SLC39A11: variants seen among roughly 807,000 people sequenced by gnomAD.
SLC39A11 encodes solute carrier family 39 member 11, also known as zinc transporter ZIP11.
In SLC39A11, 33 loss-of-function variants were observed where a neutral mutation model predicts 36.1. That is an observed-to-expected ratio of 0.91 (90% CI 0.69 to 1.22). The LOEUF is 1.22. Among genes scored for constraint, SLC39A11 ranks in the 50% most tolerant of loss-of-function variants. SLC39A11 has a pLI of 0.00. For missense variants in SLC39A11, 432 were observed against 430.3 expected (o/e 1.00, Z -0.03); for synonymous variants, 166 against 170.3 (o/e 0.97, Z 0.20).
chr17:73,012,416 T>C (rs1018172163), intron 4 of SLC39A11, among the ~76,000 whole-genome samples: 1 of 152,206 alleles, frequency 6.6e-6, no homozygotes, highest in Non-Finnish European at 1.5e-5. Context: ...CATATACACC[T>C]ACTACGCAGC....
At chr17:72,892,151 T>A (rs2081782885) in intron 5 of SLC39A11, among the ~76,000 whole-genome samples, 1 of 152,134 alleles carries the variant, frequency 6.6e-6, no homozygotes, top group Non-Finnish European at 1.5e-5. Context: ...GCGCAGTGGC[T>A]CACACCTGTA....
chr17:72,973,151 C>A (rs1306990274), intron 4 of SLC39A11, among the ~76,000 whole-genome samples: 1 of 151,690 alleles, frequency 6.6e-6, no homozygotes, highest in Non-Finnish European at 1.5e-5. Flanking sequence ...TGGAAACCAT[C>A]TTTTCCTTGC....
Position 72,834,633 on chromosome 17 carries a change from C to CAATAAAATAAAATAA in SLC39A11, c.601+14986_601+15000dup, listed in dbSNP as rs139007121. On this transcript the variant is annotated intron_variant, in intron 6 of 9. Transcript: ENST00000255559. ...TGAGACTCCAACTCCATAAACAAAA[C>CAATAAAATAAAATAA]AATAAAATAAAATAAAATAAAATAA... is the stretch of plus-strand genomic sequence containing the variant. 8.3e-3 allele frequency among the ~76,000 whole-genome samples: 1,236 copies of CAATAAAATAAAATAA among 148,310 alleles called. 7 individuals carry two copies. Among genetic ancestry groups the CAATAAAATAAAATAA allele is most frequent in the South Asian group, 0.016 (73 of 4,576 alleles).
intron 5 of SLC39A11, among the ~76,000 whole-genome samples, chr17:72,909,794 G>A (rs2082875882): frequency 6.7e-6 from 1 of 149,610 alleles, no homozygotes; most frequent in Admixed American, 6.7e-5. Flanking sequence ...TGCCCAGGCT[G>A]GAGTGCAGTG....
At chr17:72,881,847 T>G (rs996816255) in intron 5 of SLC39A11, among the ~76,000 whole-genome samples, 3 of 152,244 alleles carry the variant, frequency 2.0e-5, no homozygotes, top group African/African-American at 7.2e-5. Flanking sequence ...GGCTGCAGAA[T>G]TTCTTTAGCT....
At chr17:72,856,542 A>C (rs1157573229) in intron 5 of SLC39A11, among the ~76,000 whole-genome samples, 1 of 152,178 alleles carries the variant, frequency 6.6e-6, no homozygotes, top group Admixed American at 6.5e-5. Flanking sequence ...TTAGCCTCAA[A>C]TTTTAAAATT....
At chr17:72,851,069 C>G (rs1042650463) in intron 5 of SLC39A11, among the ~76,000 whole-genome samples, 3 of 151,982 alleles carry the variant, frequency 2.0e-5, no homozygotes, top group Non-Finnish European at 4.4e-5. Flanking sequence ...TATACATCAA[C>G]AAGCAGAGAT....
intron 6 of SLC39A11, among the ~76,000 whole-genome samples, chr17:72,818,462 G>A (rs145775804): frequency 5.4e-4 from 82 of 152,286 alleles, no homozygotes; most frequent in Non-Finnish European, 5.6e-4. Context: ...GCTTAGACTC[G>A]CAGGCTACCT....
chr17:72,816,322 CTGTTGT>C (rs1036271835), intron 6 of SLC39A11, among the ~76,000 whole-genome samples: 2 of 152,072 alleles, frequency 1.3e-5, no homozygotes, highest in African/African-American at 4.8e-5. Context: ...TCAGAGAGTT[CTGTTGT>C]TGTTGTTTTT....
intron 4 of SLC39A11, among the ~76,000 whole-genome samples, chr17:72,976,257 T>G (rs145632605): frequency 6.6e-6 from 1 of 152,094 alleles, no homozygotes; most frequent in African/African-American, 2.4e-5. Flanking sequence ...TTATTATTAT[T>G]TTAACCTCTC....
intron 6 of SLC39A11, among the ~76,000 whole-genome samples, chr17:72,751,738 C>T (rs150650453): frequency 1.3e-5 from 2 of 152,096 alleles, no homozygotes; most frequent in Non-Finnish European, 2.9e-5. Flanking sequence ...TCACTATGCC[C>T]GGCTAATTTT....
At chr17:73,058,909 A>G (rs765356190) in intron 3 of SLC39A11, among the ~76,000 whole-genome samples, 3 of 152,162 alleles carry the variant, frequency 2.0e-5, no homozygotes, top group Non-Finnish European at 4.4e-5. Flanking sequence ...CATTCCCTGA[A>G]TGCTTTCAAT....
intron 6 of SLC39A11, among the ~76,000 whole-genome samples, chr17:72,745,127 C>T (rs1232854500): frequency 6.6e-6 from 1 of 152,234 alleles, no homozygotes; most frequent in Admixed American, 6.5e-5. Context: ...CCGGCATGAG[C>T]CACTGCACCT....
intron 5 of SLC39A11, among the ~76,000 whole-genome samples, chr17:72,941,788 T>C (rs1403146406): frequency 6.6e-6 from 1 of 152,168 alleles, no homozygotes; most frequent in East Asian, 1.9e-4. Context: ...CTTCTGGCAG[T>C]TATTATTATT....
chr17:73,025,370 A>C (rs1421560908), intron 4 of SLC39A11, among the ~76,000 whole-genome samples: 3 of 152,222 alleles, frequency 2.0e-5, no homozygotes, highest in Admixed American at 2.0e-4. Flanking sequence ...ATGCAAACCA[A>C]GCTGCGAAAA....
chr17:72,919,159 T>G (rs1297690135), intron 5 of SLC39A11, among the ~76,000 whole-genome samples: 1 of 152,194 alleles, frequency 6.6e-6, no homozygotes, highest in Non-Finnish European at 1.5e-5. Flanking sequence ...TGATTCATTC[T>G]GGAGCATGGT....
chr17:72,741,546 C>T (rs1380436536), intron 6 of SLC39A11, among the ~76,000 whole-genome samples: 1 of 152,158 alleles, frequency 6.6e-6, no homozygotes, highest in Non-Finnish European at 1.5e-5. Context: ...ATACAAAGGG[C>T]CACCAGTCCC....
At chr17:72,682,417 C>T (rs1279080431) in intron 7 of SLC39A11, among the ~76,000 whole-genome samples, 1 of 151,370 alleles carries the variant, frequency 6.6e-6, no homozygotes, top group Non-Finnish European at 1.5e-5. Context: ...ACTGTTTATG[C>T]TATTGGTAAG....
At chr17:72,757,525 T>G (rs1181190252) in intron 6 of SLC39A11, among the ~76,000 whole-genome samples, 1 of 151,466 alleles carries the variant, frequency 6.6e-6, no homozygotes, top group African/African-American at 2.4e-5. Flanking sequence ...ACAGTTTCGG[T>G]TGTGGGACGG....
Sources: gnomAD v4.1 joint callset for allele counts (sites outside exome capture counted in the v4.1 genomes callset) on GRCh38, gnomAD v4.1.1 for gene constraint, MANE v1.5 for transcripts, NCBI Gene and HGNC (gene_info 2026-07-23, HGNC 2026-07-21) for gene names.